Variants in TMEM232 observed in about 807,000 individuals in gnomAD.
TMEM232 encodes transmembrane protein 232.
Under a neutral mutation model 78.8 loss-of-function variants are expected in TMEM232, and 80 were observed. The observed-to-expected ratio is 1.01, with a 90% CI of 0.85 to 1.22. TMEM232 has a LOEUF of 1.22. Among genes scored for constraint, TMEM232 ranks in the 50% most tolerant of loss-of-function variants. The pLI is 0.00. For missense variants in TMEM232, 881 were observed against 742.2 expected (o/e 1.19, Z -2.17); for synonymous variants, 297 against 254.3 (o/e 1.17, Z -1.60).
chr5:110,415,351 C>T (rs773753362), downstream of TMEM232, among the ~76,000 whole-genome samples: 2 of 151,964 alleles, frequency 1.3e-5, no homozygotes, highest in African/African-American at 4.8e-5. Flanking sequence ...CCACACCTGG[C>T]TAATTTTTTT....
At position 110,478,465 on chromosome 5, in the gene TMEM232, C is replaced by T. The variant is rs541949450; in HGVS notation, c.1703+50123G>A. 5.9e-5 allele frequency among the ~76,000 whole-genome samples: 9 copies of T among 152,002 alleles called. No homozygotes were observed. The South Asian group carries it at 1.7e-3, about 28-fold the overall frequency. On this transcript the variant is annotated intron_variant, in intron 12 of 13. Transcript: ENST00000455884. ...ATAACTCAAAGTAAGGGAAACACAA[C>T]TTCATCTGAAATGTCTAAGCAACTG...
chr5:110,582,237 T>C (rs1235818184), intron 10 of TMEM232, among the ~76,000 whole-genome samples: 1 of 151,812 alleles, frequency 6.6e-6, no homozygotes, highest in African/African-American at 2.4e-5. Flanking sequence ...CTATCCATAA[T>C]AGCAAAGACA....
At chr5:110,518,302 T>G (rs2149491596) in intron 12 of TMEM232, among the ~76,000 whole-genome samples, 1 of 152,214 alleles carries the variant, frequency 6.6e-6, no homozygotes, top group South Asian at 2.1e-4. Context: ...TTTTTGCTAT[T>G]CCTTTCTTCA....
intron 1 of TMEM232, among the ~76,000 whole-genome samples, chr5:110,704,811 T>C (rs1468236249): frequency 3.3e-5 from 5 of 152,096 alleles, no homozygotes; most frequent in Non-Finnish European, 2.9e-5. Flanking sequence ...ACTTTGCAAG[T>C]AGATCACTGT....
chr5:110,527,298 T>C lies in TMEM232; in HGVS notation c.1703+1290A>G, dbSNP rs182692911. On this transcript the variant is annotated intron_variant, in intron 12 of 13. Coordinates refer to ENST00000455884, the MANE Select transcript of TMEM232 (RefSeq NM_001039763.4). ...CAGTAATATACTGTGGCAATAGTTA[T>C]AAAGGATAAGTGAGTTTACATATTA... is the stretch of plus-strand genomic sequence containing the variant. 1.8e-4 allele frequency among the ~76,000 whole-genome samples: 27 copies of C among 152,030 alleles called. 1 individual carries two copies. The highest frequency in any genetic ancestry group is 9.8e-4 in the Admixed American group (15 of 15,276).
chr5:110,670,557 C>A (rs1230581700), intron 1 of TMEM232, among the ~76,000 whole-genome samples: 1 of 152,056 alleles, frequency 6.6e-6, no homozygotes, highest in Non-Finnish European at 1.5e-5. Flanking sequence ...GCCATATTGT[C>A]CAACGTAATT....
At chr5:110,702,813 C>T (rs1795563050) in intron 1 of TMEM232, among the ~76,000 whole-genome samples, 1 of 151,962 alleles carries the variant, frequency 6.6e-6, no homozygotes, top group African/African-American at 2.4e-5. Flanking sequence ...GAAAAATCAA[C>T]ATAGTTAGCT....
intron 12 of TMEM232, among the ~76,000 whole-genome samples, chr5:110,436,913 C>T (rs902412062): frequency 1.3e-5 from 2 of 151,830 alleles, no homozygotes; most frequent in African/African-American, 2.4e-5. Flanking sequence ...TCCTTTTGCT[C>T]AGGATGGCTT....
chr5:110,734,057 T>C (rs1798937660), intron 2 of TMEM232, among the ~76,000 whole-genome samples: 1 of 152,258 alleles, frequency 6.6e-6, no homozygotes, highest in African/African-American at 2.4e-5. Flanking sequence ...TAGTATTTAA[T>C]CCTACAGTGG....
intron 10 of TMEM232, among the ~76,000 whole-genome samples, chr5:110,586,488 C>G (rs1445041198): frequency 3.3e-5 from 5 of 151,806 alleles, no homozygotes; most frequent in African/African-American, 1.2e-4. Context: ...ATTATCAAAA[C>G]TATTGGTAAT....
chr5:110,644,624 C>T (rs1357680540), intron 2 of TMEM232, among the ~76,000 whole-genome samples: 2 of 151,380 alleles, frequency 1.3e-5, no homozygotes, highest in Non-Finnish European at 3.0e-5. Flanking sequence ...GCAGTAATAA[C>T]AGAAAAGCTT....
intron 11 of TMEM232, among the ~76,000 whole-genome samples, chr5:110,566,253 C>T (rs1776323667): frequency 6.6e-6 from 1 of 151,860 alleles, no homozygotes; most frequent in African/African-American, 2.4e-5. Flanking sequence ...ATTCCCAGAG[C>T]TCCTAGGCCT....
At chr5:110,610,707 G>A (rs1054291025) in intron 8 of TMEM232, 1 of 346,122 alleles carries the variant, frequency 2.9e-6, no homozygotes, top group Non-Finnish European at 5.7e-6. Flanking sequence ...CAAGAGGACT[G>A]ACGACTTCGA....
At chr5:110,664,409 A>G (rs140601313) in intron 2 of TMEM232, among the ~76,000 whole-genome samples, 1,790 of 152,356 alleles carry the variant, frequency 0.012, 46 homozygotes, top group African/African-American at 0.04. Flanking sequence ...TGTGAAAAAT[A>G]CAATTTCATA....
At chr5:110,502,347 G>A (rs1341709748) in intron 12 of TMEM232, among the ~76,000 whole-genome samples, 1 of 152,144 alleles carries the variant, frequency 6.6e-6, no homozygotes, top group Non-Finnish European at 1.5e-5. Context: ...TTCAGTCACC[G>A]AGTGGGAAGG....
intron 2 of TMEM232, among the ~76,000 whole-genome samples, chr5:110,648,014 A>G (rs1787756931): frequency 6.6e-6 from 1 of 152,076 alleles, no homozygotes; most frequent in Non-Finnish European, 1.5e-5. Flanking sequence ...TTTAAGTGGT[A>G]GAACATATTT....
At chr5:110,436,513 A>G (rs76198180) in intron 12 of TMEM232, among the ~76,000 whole-genome samples, 3,007 of 152,010 alleles carry the variant, frequency 0.02, 93 homozygotes, top group African/African-American at 0.069. Flanking sequence ...GTGAAGTATC[A>G]CTCAATAAAT....
intron 12 of TMEM232, among the ~76,000 whole-genome samples, chr5:110,510,434 T>A (rs1263054426): frequency 6.6e-6 from 1 of 152,216 alleles, no homozygotes. Flanking sequence ...TCATATGTAA[T>A]GATCACCAAA....
chr5:110,529,667 C>A (rs1771144138), intron 11 of TMEM232, among the ~76,000 whole-genome samples: 2 of 151,384 alleles, frequency 1.3e-5, no homozygotes, highest in Admixed American at 1.3e-4. Flanking sequence ...GTTCTAAAAT[C>A]AAAATGTAAA....
Sources: allele counts gnomAD v4.1 joint callset (sites outside exome capture counted in the v4.1 genomes callset), GRCh38; gene constraint gnomAD v4.1.1; transcripts MANE v1.5; gene names NCBI Gene and HGNC (gene_info 2026-07-23, HGNC 2026-07-21).